The following SYNJ2 variants were observed in gnomAD, a reference collection of about 807,000 sequenced individuals.
SYNJ2 encodes the protein polyphosphatidylinositol phosphatase SYNJ2.
In SYNJ2, 116 loss-of-function variants were observed where a neutral mutation model predicts 141.3. The ratio of observed to expected loss-of-function variants is 0.82; its 90% CI spans 0.71 to 0.96. The LOEUF (loss-of-function observed/expected upper bound fraction) is 0.96. Among genes scored for constraint, SYNJ2 ranks in the 40% least tolerant of loss-of-function variants. The pLI, the probability that SYNJ2 is intolerant of heterozygous loss-of-function variation, is 0.00. For synonymous variants in SYNJ2, 745 were observed against 777.7 expected, an observed-to-expected ratio of 0.96 and a Z score of 0.70; for missense variants, 1,873 against 1,934.8, an observed-to-expected ratio of 0.97 and a Z score of 0.60.
In SYNJ2 at chr6:158,017,287, T is replaced by C. The variant is rs199983838; in HGVS notation, c.211T>C (p.Ser71Pro). Residue 71 changes from serine to proline, a missense_variant, in exon 2 of 27, where the codon TCT (serine) becomes CCT (proline). Transcript: ENST00000355585. ...YGCLGELRLK[S>P]GGTSLSFLVL... is the part of the protein sequence containing the mutation. ...CTGCCTGGGGGAGCTGAGGCTGAAA[T>C]CTGGTGAGTAGCCGCTCGCTGGAGG... is the stretch of plus-strand genomic sequence containing the variant. The C allele has an allele frequency of 2.1e-5, 34 of 1,612,742 alleles. No individual in the cohort carries two copies. The African/African-American group carries it at 4.4e-4, about 21-fold the overall frequency.
intron 1 of SYNJ2, among the ~76,000 whole-genome samples, chr6:158,012,346 C>T (rs1187477030): frequency 2.6e-5 from 4 of 152,202 alleles, no homozygotes; most frequent in African/African-American, 7.2e-5. Context: ...CCTGGATGAT[C>T]TGGATGAGTC....
chr6:157,995,467 C>T (rs879837540), intron 1 of SYNJ2, among the ~76,000 whole-genome samples: 2 of 152,232 alleles, frequency 1.3e-5, no homozygotes, highest in African/African-American at 2.4e-5. Context: ...TTGTGCCTGC[C>T]TTCTCTTCTG....
intron 1 of SYNJ2, among the ~76,000 whole-genome samples, chr6:157,984,368 G>A (rs1777120666): frequency 6.6e-6 from 1 of 152,144 alleles, no homozygotes; most frequent in Admixed American, 6.5e-5. Context: ...CTAGCTAGCT[G>A]TTTTACTTTC....
intron 1 of SYNJ2, among the ~76,000 whole-genome samples, chr6:157,989,908 T>TC (rs1554228296): frequency 6.6e-6 from 1 of 151,600 alleles, no homozygotes; most frequent in Non-Finnish European, 1.5e-5. Flanking sequence ...TGGGCTTTTC[T>TC]GGGGGGGGCT....
chr6:158,076,052 A>G (rs1181932934), intron 16 of SYNJ2, among the ~76,000 whole-genome samples: 1 of 151,976 alleles, frequency 6.6e-6, no homozygotes, highest in African/African-American at 2.4e-5. Context: ...GCCAGGCATG[A>G]TGGTGCGTGC....
intron 1 of SYNJ2, among the ~76,000 whole-genome samples, chr6:158,012,734 G>T (rs1045409942): frequency 2.6e-5 from 4 of 152,158 alleles, no homozygotes; most frequent in African/African-American, 9.7e-5. Flanking sequence ...AGCTTTTGAG[G>T]CAGGCTGATG....
chr6:157,983,191 G>A (rs934495158), intron 1 of SYNJ2, among the ~76,000 whole-genome samples: 3 of 152,200 alleles, frequency 2.0e-5, no homozygotes, highest in Non-Finnish European at 4.4e-5. Flanking sequence ...GTATGTCTTG[G>A]AAGGACTATC....
In SYNJ2 at chr6:158,078,311, C is replaced by T. The variant is rs1406878929; in HGVS notation, c.2567+30C>T. On this transcript the variant is annotated intron_variant, in intron 18 of 26. Transcript: ENST00000355585. ...GGTCCTGACTTCCATGGCGTTTTCT[C>T]CTGTGCTGGGCAAGGCAGCGTCTCC... 2.0e-6 allele frequency: 3 copies of T among 1,503,656 alleles called. No individual in the cohort carries two copies. In the Admixed American group the frequency reaches 5.0e-5, roughly 25 times the overall value. 93.1% of individuals were successfully genotyped at this position (1,503,656 alleles called of 1,614,324 possible).
At chr6:158,088,557 T>C in intron 23 of SYNJ2, 103 bp from the exon 24 acceptor site, 1 of 808,310 alleles carries the variant, frequency 1.2e-6, no homozygotes, top group South Asian at 1.5e-5. Context: ...ACCGTGTCTG[T>C]GGTCTGCTGG....
chr6:158,005,588 C>T (rs905329049), intron 1 of SYNJ2, among the ~76,000 whole-genome samples: 2 of 151,888 alleles, frequency 1.3e-5, no homozygotes, highest in Non-Finnish European at 2.9e-5. Context: ...CCTGCACCAG[C>T]CGCTGTGCAG....
rs1328440304 is a variant in SYNJ2 at position 158,084,887 on chromosome 6, G to A, written c.3208+713G>A. Among the ~76,000 whole-genome samples, 1 of 151,810 alleles carries A rather than the reference G, an allele frequency of 6.6e-6. No homozygotes were observed. Among genetic ancestry groups the A allele is most frequent in the Non-Finnish European group, 1.5e-5 (1 of 68,000 alleles). Reference sequence around the variant, plus strand: ...TCCATATCTATGTCCTGAGTTGCTGGCGTATGGTCACACTCATATAATATC... The same window carrying A: ...TCCATATCTATGTCCTGAGTTGCTGACGTATGGTCACACTCATATAATATC... On this transcript the variant is annotated intron_variant, in intron 22 of 26. Transcript: ENST00000355585. The surrounding 1 kb of genome is among the most constrained non-coding windows in gnomAD (Gnocchi z 5.0).
At chr6:157,987,145 C>T (rs1434761019) in intron 1 of SYNJ2, among the ~76,000 whole-genome samples, 2 of 151,368 alleles carry the variant, frequency 1.3e-5, no homozygotes, top group African/African-American at 4.8e-5. Context: ...TGCTACCATG[C>T]CCGGCTAATT....
intron 7 of SYNJ2, 30 bp from the exon 8 acceptor site, chr6:158,061,962 C>T (rs746983253): frequency 6.2e-7 from 1 of 1,606,852 alleles, no homozygotes; most frequent in South Asian, 1.1e-5. Context: ...TCCCTCTGCT[C>T]CCCTCACCGC....
At chr6:158,076,546 C>T in intron 16 of SYNJ2, 80 bp from the exon 17 acceptor site, 1 of 1,469,164 alleles carries the variant, frequency 6.8e-7, no homozygotes, top group East Asian at 2.3e-5. Flanking sequence ...TAGGGACTTG[C>T]CTTTTCAGTT....
At chr6:158,024,235 G>A (rs1778920698) in intron 2 of SYNJ2, among the ~76,000 whole-genome samples, 2 of 152,172 alleles carry the variant, frequency 1.3e-5, no homozygotes, top group African/African-American at 4.8e-5. Context: ...GACCAGCCCA[G>A]TCAACATGGT....
In SYNJ2 at chr6:158,043,400, G is replaced by T. The variant is rs1215275086; in HGVS notation, c.795+1G>T. The T allele has an allele frequency of 6.2e-7, 1 of 1,613,522 alleles. No homozygotes were observed. The highest frequency in any genetic ancestry group is 1.7e-5 in the Admixed American group (1 of 59,980). ...GTTCTGGGAACAGCCAGGGCTTCAG[G>T]TAGGTCATGAAAAAACTTAAATGTC... On this transcript the variant is annotated splice_donor_variant, in intron 5 of 26. Transcript: ENST00000355585. LOFTEE classifies it high-confidence loss of function. The surrounding 1 kb of genome is among the most constrained non-coding windows in gnomAD (Gnocchi z 4.0).
At position 158,061,802 on chromosome 6, in the gene SYNJ2, T is replaced by TC. The variant is rs201810071; in HGVS notation, c.955-184dup. 5.3e-3 allele frequency among the ~76,000 whole-genome samples: 800 copies of TC among 152,230 alleles called. 31 individuals carry two copies. Among genetic ancestry groups the TC allele is most frequent in the Admixed American group, 0.046 (710 of 15,304 alleles). On this transcript the variant is annotated intron_variant, in intron 7 of 26. Coordinates refer to ENST00000355585, the MANE Select transcript of SYNJ2 (RefSeq NM_003898.4). ...GGCAAGACGCTCTTTGTGGGTTTTG[T>TC]CCCCCCAGGGCCTTTGTCCTGTGCT...
At chr6:158,017,847 C>T in intron 2 of SYNJ2, 2 of 507,904 alleles carry the variant, frequency 3.9e-6, no homozygotes, top group South Asian at 1.5e-5. Context: ...GGGTGGGGTT[C>T]CCGGCACCCC....
Position 158,086,988 on chromosome 6 carries a change from A to G in SYNJ2, c.3342A>G (p.Pro1114=), listed in dbSNP as rs1321466232. 4.1e-6 allele frequency: 5 copies of G among 1,210,622 alleles called. No homozygotes were observed. The highest frequency in any genetic ancestry group is 5.6e-6 in the Non-Finnish European group (5 of 900,598). The allele number at this position is 1,210,622 out of a possible 1,614,324, so 75.0% of individuals were successfully genotyped here. A position where few individuals can be genotyped will look rare whatever the true frequency, so the allele number is the denominator to read the frequency against. ...AACCCCCGCAGAGACCCCCCCCTCC[A>G]AGTAAGACTCTGCTTGCTTTCAGCT... ...PPQPPQRPPP[P]TGLMVKKSAS... is the part of the protein sequence containing the mutation. Residue 1114 remains proline, a splice_region_variant and synonymous_variant, in exon 23 of 27, where the codon CCA becomes CCG. Coordinates refer to ENST00000355585, the MANE Select transcript of SYNJ2 (RefSeq NM_003898.4).
Sources: gnomAD v4.1 joint callset for allele counts (sites outside exome capture counted in the v4.1 genomes callset) on GRCh38, gnomAD v4.1.1 for gene constraint, Gnocchi (gnomAD v3.1) non-coding constraint, MANE v1.5 for transcripts, NCBI Gene and HGNC (gene_info 2026-07-23, HGNC 2026-07-21) for gene names.